Variants in SRGAP2B observed in about 807,000 individuals in gnomAD.
SRGAP2B encodes the protein SLIT-ROBO Rho GTPase-activating protein 2B.
SRGAP2B carries 9 observed loss-of-function variants against 22.2 expected under a neutral mutation model. The ratio of observed to expected loss-of-function variants is 0.41; its 90% CI spans 0.24 to 0.71. The LOEUF is 0.71. Among genes scored for constraint, SRGAP2B ranks in the 30% least tolerant of loss-of-function variants. The pLI is 0.35. For synonymous variants in SRGAP2B, 36 were observed against 87.4 expected (o/e 0.41, Z 3.28); for missense variants, 114 against 235.8 (o/e 0.48, Z 3.38).
At chr1:144,975,173 G>C (rs1553613987) in intron 3 of SRGAP2B, among the ~76,000 whole-genome samples, 1 of 149,598 alleles carries the variant, frequency 6.7e-6, no homozygotes, top group East Asian at 1.9e-4. Flanking sequence ...TTAGTCAAGA[G>C]AAAAGGTTTG....
chr1:144,972,846 C>T (rs1206172949), intron 3 of SRGAP2B, among the ~76,000 whole-genome samples: 1 of 139,536 alleles, frequency 7.2e-6, no homozygotes, highest in Non-Finnish European at 1.5e-5. Context: ...GTGCCTCACA[C>T]CTGCATTCCC....
At chr1:144,925,256 C>T (rs1346627354) in intron 4 of SRGAP2B, among the ~76,000 whole-genome samples, 42 of 149,490 alleles carry the variant, frequency 2.8e-4, no homozygotes, top group Non-Finnish European at 4.4e-5. Context: ...CTGCCTGCCT[C>T]GGCCTCCGAA....
Position 144,974,941 on chromosome 1 carries a change from T to G in SRGAP2B, c.261-19340A>C, listed in dbSNP as rs587749862. Among the ~76,000 whole-genome samples, 7 of 149,788 alleles carry G rather than the reference T, an allele frequency of 4.7e-5. No homozygotes were observed. The South Asian group carries it at 1.5e-3, about 31-fold the overall frequency. On this transcript the variant is annotated intron_variant, in intron 3 of 9. Transcript: ENST00000612199. ...ATGCAAAAGAGGTGATCAGGGAGAA[T>G]GGCAAGGAGAACCTAGGAGCAGGCT...
At chr1:145,067,006 A>T (rs1464991891) in intron 2 of SRGAP2B, among the ~76,000 whole-genome samples, 1 of 148,794 alleles carries the variant, frequency 6.7e-6, no homozygotes, top group Admixed American at 6.7e-5. Flanking sequence ...TTAGGAAACG[A>T]GGCCGGGCAT....
chr1:144,915,879 T>G (rs1222552306), intron 4 of SRGAP2B, among the ~76,000 whole-genome samples: 2 of 150,142 alleles, frequency 1.3e-5, no homozygotes, highest in Non-Finnish European at 2.9e-5. Context: ...TTTTATCTTT[T>G]GCCAGCTCCT....
intron 4 of SRGAP2B, among the ~76,000 whole-genome samples, chr1:144,923,412 C>G (rs1305702702): frequency 5.3e-5 from 8 of 150,060 alleles, no homozygotes; most frequent in Non-Finnish European, 8.8e-5. Context: ...AGTGATCACC[C>G]CATTTCCCAA....
chr1:144,973,344 G>GT (rs1187302983), intron 3 of SRGAP2B, among the ~76,000 whole-genome samples: 9 of 128,594 alleles, frequency 7.0e-5, no homozygotes, highest in Middle Eastern at 3.9e-3. Flanking sequence ...TTTGAGAATC[G>GT]TTTTTTTCTT....
intron 3 of SRGAP2B, among the ~76,000 whole-genome samples, chr1:144,984,116 C>T (rs2747587): frequency 0.057 from 8,479 of 149,496 alleles, 1,118 homozygotes; most frequent in African/African-American, 0.2. Flanking sequence ...AGGTCAGGAG[C>T]TCAAGACCAA....
rs1329419353 is a variant in SRGAP2B at position 144,904,082 on chromosome 1, G to A, written c.831+1009C>T. On this transcript the variant is annotated intron_variant, in intron 7 of 9. Transcript: ENST00000612199. ...TGCAAAACACATGTGCCTATTAACC[G>A]CTTTCCTCAATCCCCTTTGCATCAC... Among the ~76,000 whole-genome samples the A allele has an allele frequency of 4.1e-5, 6 of 145,614 alleles. No individual in the cohort carries two copies. In the South Asian group the frequency reaches 6.6e-4, roughly 16 times the overall value.
At chr1:145,083,175 C>T (rs1266501891) in intron 2 of SRGAP2B, among the ~76,000 whole-genome samples, 2 of 144,784 alleles carry the variant, frequency 1.4e-5, no homozygotes, top group African/African-American at 5.7e-5. Flanking sequence ...CACAGGGGAG[C>T]AGGGAAGGCT....
At chr1:144,888,113 TTGTC>T (rs1408070796) in exon 10 of SRGAP2B, 1 of 5,972 alleles carries the variant, frequency 1.7e-4, no homozygotes, top group Non-Finnish European at 2.8e-4. Context: ...TTTAAAGTCT[TTGTC>T]TGGTAAGTTT....
chr1:144,933,461 TTA>T, intron 4 of SRGAP2B, among the ~76,000 whole-genome samples: 1 of 143,270 alleles, frequency 7.0e-6, no homozygotes, highest in Middle Eastern at 3.5e-3. Context: ...CTCCCTATCC[TTA>T]ACTCTTTCTC....
At chr1:144,940,975 G>A (rs1665994550) in intron 4 of SRGAP2B, among the ~76,000 whole-genome samples, 1 of 149,090 alleles carries the variant, frequency 6.7e-6, no homozygotes, top group Non-Finnish European at 1.5e-5. Flanking sequence ...ATTACACTAA[G>A]CTTAATATAT....
At chr1:144,931,393 T>C (rs587711810) in intron 4 of SRGAP2B, among the ~76,000 whole-genome samples, 1 of 150,632 alleles carries the variant, frequency 6.6e-6, no homozygotes, top group East Asian at 1.9e-4. Flanking sequence ...GCCTTGCATA[T>C]AGTAAGCACC....
At chr1:145,068,804 T>G (rs1280414579) in intron 2 of SRGAP2B, among the ~76,000 whole-genome samples, 5 of 147,030 alleles carry the variant, frequency 3.4e-5, no homozygotes, top group Non-Finnish European at 5.9e-5. Context: ...CCTTTTTTCT[T>G]TACTTATGAG....
rs201612263 is a variant in SRGAP2B at position 144,992,876 on chromosome 1, A to T, written c.260+2132T>A. 2.0e-3 allele frequency among the ~76,000 whole-genome samples: 292 copies of T among 148,530 alleles called. No homozygotes were observed. In the East Asian group the frequency reaches 0.024, roughly 12 times the overall value. The stretch of plus-strand genomic sequence containing the variant: ...ACTAGGCACTGTGGGACACCAGAAG[A>T]TCAAACAAACTTATACAGTCCACTC... On this transcript the variant is annotated intron_variant, in intron 3 of 9. Transcript: ENST00000612199.
chr1:145,085,234 A>C (rs1653314881), intron 2 of SRGAP2B, among the ~76,000 whole-genome samples: 1 of 147,888 alleles, frequency 6.8e-6, no homozygotes, highest in African/African-American at 2.5e-5. Context: ...AAGCCACCAC[A>C]CCCAGCCAAG....
intron 3 of SRGAP2B, among the ~76,000 whole-genome samples, chr1:144,981,189 T>C (rs1319481781): frequency 4.2e-5 from 6 of 142,626 alleles, no homozygotes; most frequent in Non-Finnish European, 7.6e-5. Context: ...GTAAATTCAT[T>C]TAATTGGCTG....
At chr1:145,015,562 G>A (rs1341280142) in intron 2 of SRGAP2B, among the ~76,000 whole-genome samples, 4 of 148,582 alleles carry the variant, frequency 2.7e-5, no homozygotes, top group Admixed American at 6.7e-5. Context: ...GGAAAAAGAC[G>A]ATGCTGTAGG....
Sources: allele counts gnomAD v4.1 joint callset (sites outside exome capture counted in the v4.1 genomes callset), GRCh38; gene constraint gnomAD v4.1.1; transcripts MANE v1.5; gene names NCBI Gene and HGNC (gene_info 2026-07-23, HGNC 2026-07-21).